Variants in BLTP1 observed in about 807,000 individuals in gnomAD.
The protein encoded by BLTP1 is bridge-like lipid transfer protein family member 1, also known as fragile site-associated protein.
At chr4:122,346,413 G>A in the BLTP1 span, 10 of 967,640 alleles carry the variant, frequency 1.0e-5, no homozygotes, top group Admixed American at 6.2e-5. Context: ...AGTGATAATA[G>A]AATTCCAACT....
the BLTP1 span, chr4:122,277,540 C>T: frequency 1.1e-6 from 1 of 947,454 alleles, no homozygotes; most frequent in Non-Finnish European, 1.3e-6. Context: ...AGGAACTGTT[C>T]TAGGCATTGG....
chr4:122,332,781 C>G, the BLTP1 span, among the ~76,000 whole-genome samples: 2 of 119,178 alleles, frequency 1.7e-5, no homozygotes, highest in South Asian at 6.9e-4. Context: ...TCCCTCCCCC[C>G]TCCCCCCACC....
the BLTP1 span, among the ~76,000 whole-genome samples, chr4:122,332,180 A>G: frequency 1.3e-5 from 2 of 151,962 alleles, no homozygotes; most frequent in Non-Finnish European, 2.9e-5. Flanking sequence ...GGGAACATGG[A>G]GGATCATTAA....
the BLTP1 span, among the ~76,000 whole-genome samples, chr4:122,321,935 CT>C: frequency 0.016 from 662 of 40,918 alleles, 4 homozygotes; most frequent in African/African-American, 0.056. Flanking sequence ...TTTTCATTAT[CT>C]TTTTTTTTTT....
At chr4:122,201,061 A>G in the BLTP1 span, 1 of 1,613,838 alleles carries the variant, frequency 6.2e-7, no homozygotes, top group Non-Finnish European at 8.5e-7. Context: ...CAGACATGGC[A>G]GTGTGAATTA....
chr4:122,292,423 A>G, the BLTP1 span: 2 of 834,270 alleles, frequency 2.4e-6, no homozygotes, highest in Admixed American at 6.2e-5. Flanking sequence ...CAATATTCAA[A>G]GTGAAAGTGT....
chr4:122,242,955 G>A, the BLTP1 span: 1 of 1,174,054 alleles, frequency 8.5e-7, no homozygotes, highest in African/African-American at 1.5e-5. Context: ...ATAAAATTAG[G>A]GAAATATATT....
the BLTP1 span, among the ~76,000 whole-genome samples, chr4:122,259,177 G>A: frequency 6.6e-6 from 1 of 152,124 alleles, no homozygotes; most frequent in Non-Finnish European, 1.5e-5. Context: ...TGATCAATAG[G>A]TGGTTTGGGT....
At chr4:122,187,573 TG>T in the BLTP1 span, 1 of 1,495,674 alleles carries the variant, frequency 6.7e-7, no homozygotes, top group South Asian at 1.3e-5. Flanking sequence ...TTTTAATTTT[TG>T]CAAATATGAT....
chr4:122,332,643 T>A, the BLTP1 span, among the ~76,000 whole-genome samples: 4 of 147,132 alleles, frequency 2.7e-5, no homozygotes, highest in African/African-American at 1.0e-4. Flanking sequence ...TTTTTTTTTT[T>A]ATTATACTCT....
At chr4:122,243,832 A>G in the BLTP1 span, 17 of 1,457,036 alleles carry the variant, frequency 1.2e-5, no homozygotes, top group Admixed American at 1.3e-4. Flanking sequence ...TTAATATACA[A>G]TTTGCTTGTT....
the BLTP1 span, chr4:122,175,979 A>G: frequency 1.1e-6 from 1 of 870,036 alleles, no homozygotes; most frequent in Non-Finnish European, 1.9e-6. Context: ...ATGAAAACTA[A>G]TTAAAATTAG....
chr4:122,301,545 A>T, the BLTP1 span: 6 of 466,500 alleles, frequency 1.3e-5, no homozygotes, highest in Non-Finnish European at 2.3e-5. Context: ...AGCTTTAACA[A>T]TAATTATTTG....
At chr4:122,286,874 T>C in the BLTP1 span, 1 of 1,080,784 alleles carries the variant, frequency 9.3e-7, no homozygotes, top group South Asian at 1.6e-5. Flanking sequence ...TCCAAACTTT[T>C]AAGGTAAAGT....
At chr4:122,156,969 T>C in the BLTP1 span, among the ~76,000 whole-genome samples, 2 of 152,158 alleles carry the variant, frequency 1.3e-5, no homozygotes, top group Non-Finnish European at 2.9e-5. Context: ...TGCAGGAGAC[T>C]CTGACTTATG....
chr4:122,220,157 A>G, the BLTP1 span: 2 of 233,062 alleles, frequency 8.6e-6, no homozygotes, highest in African/African-American at 4.7e-5. Context: ...TCTGTTGCTT[A>G]GTGCAGCTAA....
the BLTP1 span, chr4:122,210,073 CT>C: frequency 7.6e-7 from 1 of 1,319,926 alleles, no homozygotes; most frequent in Non-Finnish European, 9.9e-7. Context: ...TTGTAGCTAC[CT>C]TTTGAGCATT....
At chr4:122,353,934 C>T in the BLTP1 span, 7 of 1,613,608 alleles carry the variant, frequency 4.3e-6, no homozygotes, top group Non-Finnish European at 5.9e-6. This position sits in a 1 kb window ranked among gnomAD's most constrained non-coding sequence, Gnocchi z 4.3. Flanking sequence ...ACCAAGATAA[C>T]AAGGCGTCGC....
At chr4:122,185,447 A>G in the BLTP1 span, 1 of 984,514 alleles carries the variant, frequency 1.0e-6, no homozygotes, top group South Asian at 4.7e-5. Flanking sequence ...TCCTTAGTAG[A>G]AACAAGTGCC....
Sources: gnomAD v4.1 joint callset for allele counts (sites outside exome capture counted in the v4.1 genomes callset) on GRCh38, gnomAD v4.1.1 for gene constraint, Gnocchi (gnomAD v3.1) non-coding constraint, MANE v1.5 for transcripts, NCBI Gene and HGNC (gene_info 2026-07-23, HGNC 2026-07-21) for gene names.